The following OTOP2 variants were observed in gnomAD, a reference collection of about 807,000 sequenced individuals.
The protein encoded by OTOP2 is proton channel OTOP2.
A neutral mutation model predicts 47.4 loss-of-function variants in OTOP2; 41 were observed. That is an observed-to-expected ratio of 0.87 (90% CI 0.67 to 1.12). OTOP2 has a LOEUF of 1.12. Ranked by LOEUF, OTOP2 falls within the 50% of genes most tolerant of loss-of-function variation. The pLI is 0.00. For missense variants in OTOP2, 721 were observed against 752.2 expected, an observed-to-expected ratio of 0.96 and a Z score of 0.49; for synonymous variants, 328 against 319.6, an observed-to-expected ratio of 1.03 and a Z score of -0.28.
In OTOP2 at chr17:74,931,043, A is replaced by C; in HGVS notation, c.1408A>C (p.Ser470Arg). The C allele has an allele frequency of 1.2e-6, 2 of 1,614,152 alleles. No homozygotes were observed. The highest frequency in any genetic ancestry group is 1.7e-6 in the Non-Finnish European group (2 of 1,180,014). The stretch of plus-strand genomic sequence containing the variant: ...ACCCAACCCCGGGCTGGTTAGCCCC[A>C]GCCCTTCAGACCAGCGGGAAGCAGT... Reference protein sequence around the residue: ...CPPNPGLVSPSPSDQREAVAI... With the variant: ...CPPNPGLVSPRPSDQREAVAI... Residue 470 changes from serine (S) to arginine (R), a missense_variant, in exon 6 of 7, where the codon AGC becomes CGC. By Grantham distance (110) the Ser-to-Arg change is moderately radical. Transcript: ENST00000331427.
At chr17:74,927,320 G>C (rs2039016844) in intron 4 of OTOP2, 39 bp downstream of exon 4, 1 of 1,581,850 alleles carries the variant, frequency 6.3e-7, no homozygotes, top group East Asian at 2.2e-5. Flanking sequence ...CAGCGTGCTG[G>C]TGTTCACCTT....
At position 74,924,978 on chromosome 17, in the gene OTOP2, G is replaced by A. The variant is rs1370665632; in HGVS notation, c.313+33G>A. ...GGGAGGTGGGGGCGAGGTAGGGTGG[G>A]CACAACAGGGAGCTGCAGGCTAGGG... On this transcript the variant is annotated intron_variant, in intron 2 of 6. Transcript: ENST00000331427. This position sits in a 1 kb window ranked among gnomAD's most constrained non-coding sequence, Gnocchi z 7.7. 4.6e-6 allele frequency: 7 copies of A among 1,521,808 alleles called. No individual in the cohort carries two copies. Among genetic ancestry groups the A allele is most frequent in the Non-Finnish European group, 4.4e-6 (5 of 1,132,490 alleles). 94.3% of individuals were successfully genotyped at this position (1,521,808 alleles called of 1,614,324 possible). A position where few individuals can be genotyped will look rare whatever the true frequency, so the allele number is the denominator to read the frequency against.
At chr17:74,927,188 G>T in intron 3 of OTOP2, 35 bp from the exon 4 acceptor site, 1 of 1,573,146 alleles carries the variant, frequency 6.4e-7, no homozygotes. Context: ...TCCATCTATG[G>T]AGTAAATGAC....
chr17:74,927,475 G>A, intron 4 of OTOP2, 190 bp from the exon 5 acceptor site: 1 of 1,014,626 alleles, frequency 9.9e-7, no homozygotes. Flanking sequence ...GAGTGGTGGT[G>A]GCCCCCGGGA....
At position 74,930,791 on chromosome 17, in the gene OTOP2, T is replaced by A. The variant is rs144792513; in HGVS notation, c.1156T>A (p.Ser386Thr). The change falls in exon 6 of 7, where the codon TCC becomes ACC. Residue 386 changes from serine (S) to threonine (T), a missense_variant. Ser to Thr is a moderately conservative substitution (Grantham distance 58). Transcript: ENST00000331427. This position sits in a 1 kb window ranked among gnomAD's most constrained non-coding sequence, Gnocchi z 4.0. ...ALGQYAISYY[S>T]IVAVVAGTPQ... Reference sequence around the variant, plus strand: ...GGGTCAGTACGCCATCTCTTACTACTCCATCGTGGCTGTGGTGGCGGGCAC... The same window carrying A: ...GGGTCAGTACGCCATCTCTTACTACACCATCGTGGCTGTGGTGGCGGGCAC... 495 of 1,613,970 alleles carry A rather than the reference T, an allele frequency of 3.1e-4. No individual in the cohort carries two copies. Among genetic ancestry groups the A allele is most frequent in the Non-Finnish European group, 4.0e-4 (469 of 1,180,018 alleles).
At position 74,930,740 on chromosome 17, in the gene OTOP2, G is replaced by A. The variant is rs372724968; in HGVS notation, c.1105G>A (p.Val369Met). 1.8e-5 allele frequency: 29 copies of A among 1,614,068 alleles called. No individual in the cohort carries two copies. Among genetic ancestry groups the A allele is most frequent in the East Asian group, 6.7e-5 (3 of 44,884 alleles). The change falls in exon 6 of 7, where the codon GTG becomes ATG. Residue 369 changes from valine to methionine, a missense_variant. By Grantham distance (21) the Val-to-Met change is conservative (BLOSUM62 1). Coordinates refer to ENST00000331427, the MANE Select transcript of OTOP2 (RefSeq NM_178160.3). The surrounding 1 kb of genome is among the most constrained non-coding windows in gnomAD (Gnocchi z 4.0). ...TAAGAACCCCACGCGCACTCTGGAC[G>A]TGGCCCTGCTGATGGGTGCCGCCCT... ...HHKNPTRTLDVALLMGAALGQ... is the reference protein window; with the variant it reads ...HHKNPTRTLDMALLMGAALGQ...
At chr17:74,932,568 G>A (rs986422538) in intron 6 of OTOP2, among the ~76,000 whole-genome samples, 2 of 152,198 alleles carry the variant, frequency 1.3e-5, no homozygotes, top group African/African-American at 2.4e-5. Context: ...CTGGCCCCCT[G>A]CCCTCTGGCC....
Position 74,930,998 on chromosome 17 carries a change from C to T in OTOP2, c.1363C>T (p.His455Tyr), listed in dbSNP as rs770144162. ...DLTFTNLDAL[H>Y]TLSACPPNPG... ...CACCTTCACCAACCTGGATGCCCTC[C>T]ACACGTTGTCCGCCTGCCCACCCAA... The change falls in exon 6 of 7, where the codon CAC (histidine) becomes TAC (tyrosine). Residue 455 changes from histidine (H) to tyrosine (Y), a missense_variant. Coordinates refer to ENST00000331427, the MANE Select transcript of OTOP2 (RefSeq NM_178160.3). This position sits in a 1 kb window ranked among gnomAD's most constrained non-coding sequence, Gnocchi z 4.0. The T allele has an allele frequency of 1.4e-5, 23 of 1,614,162 alleles. No individual in the cohort carries two copies. The highest frequency in any genetic ancestry group is 1.8e-5 in the Non-Finnish European group (21 of 1,180,010).
At chr17:74,925,728 G>A in intron 3 of OTOP2, 36 bp downstream of exon 3, 3 of 1,612,418 alleles carry the variant, frequency 1.9e-6, no homozygotes, top group Middle Eastern at 1.7e-4. Context: ...GAAGAAAGGA[G>A]CTAACACTTG....
chr17:74,933,130 C>T lies in OTOP2; in HGVS notation c.1519-245C>T, dbSNP rs182198624. 1.5e-3 allele frequency among the ~76,000 whole-genome samples: 224 copies of T among 152,276 alleles called. 2 individuals carry two copies. The highest frequency in any genetic ancestry group is 5.1e-3 in the African/African-American group (213 of 41,556). On this transcript the variant is annotated intron_variant, in intron 6 of 6. Transcript: ENST00000331427. This position sits in a 1 kb window ranked among gnomAD's most constrained non-coding sequence, Gnocchi z 4.7. ...GCTAAGATTTTGGGAGAGGTGATCA[C>T]AGGTGTCCATGAGGTGGGCTAGCCT...
chr17:74,926,310 G>A (rs1279720223), intron 3 of OTOP2, among the ~76,000 whole-genome samples: 1 of 152,190 alleles, frequency 6.6e-6, no homozygotes, highest in African/African-American at 2.4e-5. Context: ...CACACATGTG[G>A]CTGTGGCATT....
chr17:74,925,696 G>A lies in OTOP2; in HGVS notation c.450+4G>A. 1.9e-6 allele frequency: 3 copies of A among 1,614,120 alleles called. No homozygotes were observed. The highest frequency in any genetic ancestry group is 2.5e-6 in the Non-Finnish European group (3 of 1,180,002). ...GGCTGTGTTTGTCATCATCCAGGTGGGTGGAGGAGTGTCGCTGTGTGGAAG... is the reference window on the plus strand; with the variant it reads ...GGCTGTGTTTGTCATCATCCAGGTGAGTGGAGGAGTGTCGCTGTGTGGAAG... On this transcript the variant is annotated splice_donor_region_variant and intron_variant, in intron 3 of 6. Transcript: ENST00000331427.
At chr17:74,932,011 A>G (rs1467962712) in intron 6 of OTOP2, among the ~76,000 whole-genome samples, 1 of 150,636 alleles carries the variant, frequency 6.6e-6, no homozygotes, top group Non-Finnish European at 1.5e-5. Context: ...TATTCTCTGT[A>G]TAGAAGTACC....
Position 74,925,637 on chromosome 17 carries a change from A to T in OTOP2, c.395A>T (p.Gln132Leu). 1 of 1,614,212 alleles carries T rather than the reference A, an allele frequency of 6.2e-7. No individual in the cohort carries two copies. Among genetic ancestry groups the T allele is most frequent in the Non-Finnish European group, 8.5e-7 (1 of 1,180,028 alleles). ...TGYYSSFFECQSAIKILHPLI... is the reference protein window; with the variant it reads ...TGYYSSFFECLSAIKILHPLI... ...TACTACTCCAGTTTCTTTGAGTGCC[A>T]GTCAGCCATCAAGATCCTGCACCCC... The change falls in exon 3 of 7, where the codon CAG (glutamine) becomes CTG (leucine). Residue 132 changes from glutamine (Q) to leucine (L), a missense_variant. Transcript: ENST00000331427.
In OTOP2 at chr17:74,927,763, A is replaced by G. The variant is rs1020502689; in HGVS notation, c.608A>G (p.His203Arg). The G allele has an allele frequency of 1.9e-6, 3 of 1,613,510 alleles. No individual in the cohort carries two copies. In the African/African-American group the frequency reaches 4.0e-5, roughly 22 times the overall value. Residue 203 changes from histidine (H) to arginine (R), a missense_variant, in exon 5 of 7, where the codon CAC (histidine) becomes CGC (arginine). Coordinates refer to ENST00000331427, the MANE Select transcript of OTOP2 (RefSeq NM_178160.3). ...CAATCCCACTCCTACAGCAGTTCTC[A>G]CAGCAACGCCAGCCACGCCCGTCTC... ...VHQSHSYSSSHSNASHARLIS... is the reference protein window; with the variant it reads ...VHQSHSYSSSRSNASHARLIS...
rs778249866 is a variant in OTOP2 at position 74,930,725 on chromosome 17, A to C, written c.1090A>C (p.Thr364Pro). 1 of 1,613,946 alleles carries C rather than the reference A, an allele frequency of 6.2e-7. No individual in the cohort carries two copies. Among genetic ancestry groups the C allele is most frequent in the South Asian group, 1.1e-5 (1 of 91,072 alleles). Residue 364 changes from threonine (T) to proline (P), a missense_variant, in exon 6 of 7, where the codon ACG becomes CCG. Thr to Pro is a conservative substitution (Grantham distance 38). Coordinates refer to ENST00000331427, the MANE Select transcript of OTOP2 (RefSeq NM_178160.3). The surrounding 1 kb of genome is among the most constrained non-coding windows in gnomAD (Gnocchi z 4.0). ...RRAMDHHKNPTRTLDVALLMG... is the reference protein window; with the variant it reads ...RRAMDHHKNPPRTLDVALLMG... Reference sequence around the variant, plus strand: ...GGCCATGGACCACCATAAGAACCCCACGCGCACTCTGGACGTGGCCCTGCT... The same window carrying C: ...GGCCATGGACCACCATAAGAACCCCCCGCGCACTCTGGACGTGGCCCTGCT...
chr17:74,925,038 C>G (rs757211894), intron 2 of OTOP2, 93 bp downstream of exon 2: 127 of 1,396,262 alleles, frequency 9.1e-5, no homozygotes, highest in Admixed American at 5.1e-4. Flanking sequence ...GATTGACATA[C>G]GAGGGCGAGA....
intron 3 of OTOP2, among the ~76,000 whole-genome samples, chr17:74,926,887 C>A (rs2039012874): frequency 6.6e-6 from 1 of 152,050 alleles, no homozygotes; most frequent in Admixed American, 6.6e-5. Flanking sequence ...TCCCAAGTAG[C>A]TGGGATTACA....
Position 74,930,299 on chromosome 17 carries a change from G to T in OTOP2, c.664G>T (p.Gly222Ter). The part of the protein sequence containing the change: ...ISDQHADNPV[G>*]GDSCLCSTAV... The stretch of plus-strand genomic sequence containing the variant: ...AACAGAGCATGCAGACAACCCGGTC[G>T]GAGGAGACTCCTGCCTCTGCAGCAC... Residue 222 changes from glycine (G) to a stop codon, truncating the protein, a stop_gained, in exon 6 of 7, where the codon GGA becomes TGA. Transcript: ENST00000331427. LOFTEE classifies it high-confidence loss of function. The surrounding 1 kb of genome is among the most constrained non-coding windows in gnomAD (Gnocchi z 4.0). The T allele has an allele frequency of 3.7e-6, 6 of 1,613,232 alleles. No homozygotes were observed. The highest frequency in any genetic ancestry group is 5.1e-6 in the Non-Finnish European group (6 of 1,179,334).
Sources: gnomAD v4.1 joint callset for allele counts (sites outside exome capture counted in the v4.1 genomes callset) on GRCh38, gnomAD v4.1.1 for gene constraint, Gnocchi (gnomAD v3.1) non-coding constraint, MANE v1.5 for transcripts, NCBI Gene and HGNC (gene_info 2026-07-23, HGNC 2026-07-21) for gene names.